The following UNC13C variants were observed in gnomAD, a reference collection of about 807,000 sequenced individuals.
UNC13C encodes protein unc-13 homolog C.
Under a neutral mutation model 245.4 loss-of-function variants are expected in UNC13C, and 174 were observed. The observed-to-expected ratio is 0.71, with a 90% CI of 0.63 to 0.80. UNC13C has a LOEUF of 0.80. Ranked by LOEUF, UNC13C falls within the 30% of genes least tolerant of loss-of-function variation. The probability of loss-of-function intolerance (pLI) is 0.00; values close to 1 mark genes in which losing one functional copy is unlikely to be tolerated. For synonymous variants in UNC13C, 992 were observed against 895.1 expected (o/e 1.11, Z -1.93); for missense variants, 2,829 against 2,602.9 (o/e 1.09, Z -1.89).
At chr15:54,016,003 A>C in intron 2 of UNC13C, 117 bp downstream of exon 2, 1 of 899,728 alleles carries the variant, frequency 1.1e-6, no homozygotes, top group Non-Finnish European at 1.6e-6. Context: ...ATGACTTTCC[A>C]TGCTTTACTC....
chr15:54,073,063 G>A (rs1440046644), intron 2 of UNC13C, among the ~76,000 whole-genome samples: 3 of 151,892 alleles, frequency 2.0e-5, no homozygotes, highest in African/African-American at 7.3e-5. Context: ...CCTGGTATGT[G>A]ATGTTCCCCT....
At chr15:54,277,635 T>A (rs1346018284) in intron 10 of UNC13C, among the ~76,000 whole-genome samples, 1 of 152,230 alleles carries the variant, frequency 6.6e-6, no homozygotes. Context: ...CTTTATCTTT[T>A]TAATATTGCT....
intron 18 of UNC13C, among the ~76,000 whole-genome samples, chr15:54,410,511 G>T (rs574882480): frequency 1.6e-4 from 24 of 151,954 alleles, no homozygotes; most frequent in African/African-American, 4.8e-4. Context: ...GTTTTACATT[G>T]TCTTTAATTC....
chr15:53,848,534 G>T, the UNC13C span, among the ~76,000 whole-genome samples: 1 of 152,040 alleles, frequency 6.6e-6, no homozygotes, highest in Non-Finnish European at 1.5e-5. Flanking sequence ...TTATTTTGTG[G>T]ATAAGCACAT....
intron 2 of UNC13C, among the ~76,000 whole-genome samples, chr15:54,054,392 T>C (rs1344689936): frequency 6.6e-6 from 1 of 152,224 alleles, no homozygotes; most frequent in African/African-American, 2.4e-5. Flanking sequence ...TGCATCCTGC[T>C]ATCATAATAC....
At chr15:54,197,891 G>T (rs530184835) in intron 4 of UNC13C, among the ~76,000 whole-genome samples, 8 of 152,204 alleles carry the variant, frequency 5.3e-5, no homozygotes, top group African/African-American at 1.9e-4. Flanking sequence ...GTGTCTTTTT[G>T]CATTATCAAC....
At chr15:54,047,842 G>A (rs1347044333) in intron 2 of UNC13C, among the ~76,000 whole-genome samples, 1 of 152,080 alleles carries the variant, frequency 6.6e-6, no homozygotes, top group Non-Finnish European at 1.5e-5. Flanking sequence ...TTTTTAAATA[G>A]TTCAATGTTT....
At chr15:54,051,794 G>T in intron 2 of UNC13C, among the ~76,000 whole-genome samples, 1 of 148,746 alleles carries the variant, frequency 6.7e-6, no homozygotes, top group Non-Finnish European at 1.5e-5. Flanking sequence ...AAGTTTTTGG[G>T]TACATGTGCA....
intron 2 of UNC13C, among the ~76,000 whole-genome samples, chr15:54,074,483 A>G (rs1898490932): frequency 6.6e-6 from 1 of 152,186 alleles, no homozygotes; most frequent in Non-Finnish European, 1.5e-5. Flanking sequence ...GGCCATTTTC[A>G]CGATATTGAT....
intron 13 of UNC13C, among the ~76,000 whole-genome samples, chr15:54,305,856 A>T (rs2037712408): frequency 6.6e-6 from 1 of 152,042 alleles, no homozygotes; most frequent in African/African-American, 2.4e-5. Flanking sequence ...CAAAAACAGA[A>T]ATCAAATTGT....
chr15:54,240,211 T>C (rs16974350), intron 7 of UNC13C, among the ~76,000 whole-genome samples: 33,072 of 152,076 alleles, frequency 0.22, 5,674 homozygotes, highest in African/African-American at 0.47. Context: ...CCATCAGTTA[T>C]GTCTCAGATT....
intron 2 of UNC13C, among the ~76,000 whole-genome samples, chr15:54,042,116 G>A (rs539350477): frequency 6.6e-6 from 1 of 152,220 alleles, no homozygotes; most frequent in African/African-American, 2.4e-5. Flanking sequence ...CAAATATTCT[G>A]AAATCGGAAA....
chr15:54,539,577 G>A (rs1316351403), intron 26 of UNC13C, among the ~76,000 whole-genome samples: 1 of 152,030 alleles, frequency 6.6e-6, no homozygotes, highest in Non-Finnish European at 1.5e-5. Context: ...GAATGTGATG[G>A]TGATGAATAG....
intron 2 of UNC13C, among the ~76,000 whole-genome samples, chr15:54,090,240 T>A (rs1049499465): frequency 6.6e-6 from 1 of 152,022 alleles, no homozygotes; most frequent in Non-Finnish European, 1.5e-5. Context: ...GCTGGGGAAT[T>A]TTTTCAGGTA....
chr15:54,399,233 A>G (rs1179057307), intron 18 of UNC13C, among the ~76,000 whole-genome samples: 1 of 151,684 alleles, frequency 6.6e-6, no homozygotes, highest in African/African-American at 2.4e-5. Flanking sequence ...AGTGACTTAT[A>G]TTTTGATATA....
chr15:53,883,601 G>A, the UNC13C span, among the ~76,000 whole-genome samples: 1 of 152,164 alleles, frequency 6.6e-6, no homozygotes, highest in African/African-American at 2.4e-5. Flanking sequence ...ACAGATGTTG[G>A]TTCCTTTATT....
the UNC13C span, among the ~76,000 whole-genome samples, chr15:53,924,015 T>C: frequency 6.6e-6 from 1 of 152,062 alleles, no homozygotes; most frequent in African/African-American, 2.4e-5. Context: ...GGGACCAGCC[T>C]AACATGGTGA....
intron 4 of UNC13C, among the ~76,000 whole-genome samples, chr15:54,206,815 G>A (rs896825663): frequency 3.9e-5 from 6 of 152,074 alleles, no homozygotes; most frequent in African/African-American, 1.2e-4. Context: ...GAAAATTATA[G>A]CGAAGTGAAA....
rs76439103 is a variant in UNC13C at position 54,194,866 on chromosome 15, A to T, written c.3072-40164A>T. Among the ~76,000 whole-genome samples the T allele has an allele frequency of 2.1e-4, 32 of 152,294 alleles. No homozygotes were observed. The East Asian group carries it at 6.2e-3, about 29-fold the overall frequency. On this transcript the variant is annotated intron_variant, in intron 4 of 32. Coordinates refer to ENST00000260323, the MANE Select transcript of UNC13C (RefSeq NM_001080534.3). Reference sequence around the variant, plus strand: ...TTTATTTTTGAAAGCAGCATTAAACACTAAACATGTTTTTGTGAGAAAAAA... The same window carrying T: ...TTTATTTTTGAAAGCAGCATTAAACTCTAAACATGTTTTTGTGAGAAAAAA...
Sources: allele counts gnomAD v4.1 joint callset (sites outside exome capture counted in the v4.1 genomes callset), GRCh38; gene constraint gnomAD v4.1.1; transcripts MANE v1.5; gene names NCBI Gene and HGNC (gene_info 2026-07-23, HGNC 2026-07-21).